TBL1X: variants seen among roughly 807,000 people sequenced by gnomAD.
TBL1X encodes the protein transducin beta like 1 X-linked, also known as F-box-like/WD repeat-containing protein TBL1X.
A neutral mutation model predicts 50.7 loss-of-function variants in TBL1X; 10 were observed. The ratio of observed to expected loss-of-function variants is 0.20; its 90% CI spans 0.12 to 0.33. TBL1X has a LOEUF of 0.33. TBL1X is among the 10% of genes least tolerant of loss of function. The pLI is 1.00. For synonymous variants in TBL1X, 190 were observed against 214.7 expected (o/e 0.88, Z 1.01); for missense variants, 340 against 504.4 (o/e 0.67, Z 3.12).
intron 2 of TBL1X, among the ~76,000 whole-genome samples, chrX:9,575,507 T>C (rs759759064): frequency 8.9e-6 from 1 of 112,007 alleles, no homozygotes; most frequent in South Asian, 3.7e-4. Context: ...GTTTTCAGGG[T>C]TCACTCATGT....
At chrX:9,567,499 C>CCACAT (rs928044568) in intron 2 of TBL1X, among the ~76,000 whole-genome samples, 1 of 111,881 alleles carries the variant, frequency 8.9e-6, no homozygotes, top group Non-Finnish European at 1.9e-5. Context: ...CTTCCTCACC[C>CCACAT]CACATGGTTC....
chrX:9,685,590 C>T (rs1167102598), intron 6 of TBL1X, among the ~76,000 whole-genome samples: 1 of 111,813 alleles, frequency 8.9e-6, no homozygotes, highest in Non-Finnish European at 1.9e-5. Flanking sequence ...TTCCCTCTGT[C>T]CCGTCTTTCT....
intron 2 of TBL1X, among the ~76,000 whole-genome samples, chrX:9,632,489 G>A (rs1384997372): frequency 9.0e-6 from 1 of 111,225 alleles, no homozygotes. Flanking sequence ...CGCTATGTTC[G>A]CCAGGCTGGT....
At chrX:9,574,809 G>C (rs2082402894) in intron 2 of TBL1X, among the ~76,000 whole-genome samples, 1 of 111,814 alleles carries the variant, frequency 8.9e-6, no homozygotes, top group African/African-American at 3.3e-5. Context: ...TTTGCACTGT[G>C]TACCCAGCAC....
chrX:9,704,764 C>T (rs767751168), intron 12 of TBL1X, among the ~76,000 whole-genome samples: 4 of 111,297 alleles, frequency 3.6e-5, no homozygotes, highest in South Asian at 3.8e-4. Context: ...TGATGGCATG[C>T]GCTATTCAGA....
At chrX:9,485,398 G>A (rs1170809924) in intron 1 of TBL1X, among the ~76,000 whole-genome samples, 3 of 112,076 alleles carry the variant, frequency 2.7e-5, no homozygotes, top group Admixed American at 1.9e-4. Context: ...TTGTGTAGTC[G>A]AACATGTCAG....
At chrX:9,589,989 G>GT (rs1251459848) in intron 2 of TBL1X, among the ~76,000 whole-genome samples, 2 of 111,743 alleles carry the variant, frequency 1.8e-5, no homozygotes, top group Non-Finnish European at 3.8e-5. Flanking sequence ...CCAAAAATGC[G>GT]TAAGAGTCTA....
chrX:9,637,392 G>A (rs2082753129), intron 2 of TBL1X: 1 of 112,209 alleles, frequency 8.9e-6, no homozygotes, highest in Non-Finnish European at 1.9e-5. Flanking sequence ...TGAATGTGTA[G>A]AGGACTTCCG....
chrX:9,469,811 G>A (rs1003200041), intron 1 of TBL1X, among the ~76,000 whole-genome samples: 3 of 111,846 alleles, frequency 2.7e-5, no homozygotes, highest in Non-Finnish European at 5.6e-5. Flanking sequence ...CCAGCCATCT[G>A]CTCTGCTCTG....
intron 5 of TBL1X, among the ~76,000 whole-genome samples, chrX:9,669,457 A>T (rs1275463648): frequency 3.6e-5 from 4 of 111,537 alleles, no homozygotes; most frequent in Non-Finnish European, 5.7e-5. Context: ...CACTGGCCCA[A>T]ATCTCTCTGC....
At chrX:9,619,480 ATC>A (rs2082655784) in intron 2 of TBL1X, among the ~76,000 whole-genome samples, 1 of 111,475 alleles carries the variant, frequency 9.0e-6, no homozygotes, top group Admixed American at 9.5e-5. Flanking sequence ...CTCACTGTAC[ATC>A]TCTCTAGATT....
At chrX:9,656,150 C>T (rs1382721371) in intron 5 of TBL1X, among the ~76,000 whole-genome samples, 3 of 112,588 alleles carry the variant, frequency 2.7e-5, no homozygotes, top group Non-Finnish European at 5.6e-5. Flanking sequence ...AATACCTCAA[C>T]CTCGGCTCTT....
At chrX:9,544,258 G>A (rs1452475767) in intron 2 of TBL1X, among the ~76,000 whole-genome samples, 1 of 112,223 alleles carries the variant, frequency 8.9e-6, no homozygotes, top group African/African-American at 3.2e-5. Context: ...GTGTCCTAGT[G>A]GAAGAGCTTG....
Position 9,565,271 on chromosome X carries a change from C to CAAAA in TBL1X, c.-131+63441_-131+63444dup, listed in dbSNP as rs757679440. Among the ~76,000 whole-genome samples, 168 of 37,382 alleles carry CAAAA rather than the reference C, an allele frequency of 4.5e-3. 19 individuals carry two copies. Among genetic ancestry groups the CAAAA allele is most frequent in the African/African-American group, 0.015 (136 of 8,994 alleles). 32.5% of individuals were successfully genotyped at this position (37,382 alleles called of 115,157 possible). On this transcript the variant is annotated intron_variant, in intron 2 of 17. Coordinates refer to ENST00000645353, the MANE Select transcript of TBL1X (RefSeq NM_005647.4). ...TGGGTGGCAGAGCGAGACTCCGTCT[C>CAAAA]AAAAAAAAAAAAAAAAAAAAAATCA...
chrX:9,568,296 CTGTGTGTGT>C (rs781641750), intron 2 of TBL1X, among the ~76,000 whole-genome samples: 21 of 108,013 alleles, frequency 1.9e-4, no homozygotes, highest in East Asian at 1.5e-3. Context: ...TCTGTCTGTA[CTGTGTGTGT>C]TGTGTGTGTT....
At chrX:9,614,414 T>G (rs994645554) in intron 2 of TBL1X, among the ~76,000 whole-genome samples, 6 of 110,976 alleles carry the variant, frequency 5.4e-5, no homozygotes, top group African/African-American at 1.6e-4. Flanking sequence ...CAAAAAAAAT[T>G]AGCCGGATGT....
chrX:9,622,605 G>A (rs767625091), intron 2 of TBL1X, among the ~76,000 whole-genome samples: 5 of 111,371 alleles, frequency 4.5e-5, no homozygotes, highest in East Asian at 2.8e-4. Context: ...ACAGGTGCGC[G>A]CCACCACACC....
intron 1 of TBL1X, among the ~76,000 whole-genome samples, chrX:9,482,682 A>T (rs1196578595): frequency 9.0e-6 from 1 of 110,954 alleles, no homozygotes; most frequent in Non-Finnish European, 1.9e-5. Context: ...GTCAGCAGGA[A>T]GAAGCCAGAG....
chrX:9,519,804 G>T (rs2082098364), intron 2 of TBL1X, among the ~76,000 whole-genome samples: 1 of 111,773 alleles, frequency 8.9e-6, no homozygotes, highest in African/African-American at 3.3e-5. Flanking sequence ...TGGAGGAACG[G>T]GGATAAAAAT....
Sources: allele counts gnomAD v4.1 joint callset (sites outside exome capture counted in the v4.1 genomes callset), GRCh38; gene constraint gnomAD v4.1.1; transcripts MANE v1.5; gene names NCBI Gene and HGNC (gene_info 2026-07-23, HGNC 2026-07-21).